The following PTPRT variants were observed in gnomAD, a reference collection of about 807,000 sequenced individuals.
The protein encoded by PTPRT is protein tyrosine phosphatase receptor type T, also known as receptor-type tyrosine-protein phosphatase T.
Under a neutral mutation model 176.8 loss-of-function variants are expected in PTPRT, and 56 were observed. That is an observed-to-expected ratio of 0.32 (90% CI 0.26 to 0.40). The LOEUF (loss-of-function observed/expected upper bound fraction) is 0.40. PTPRT is among the 10% of genes least tolerant of loss of function. The pLI is 1.00. For missense variants in PTPRT, 1,540 were observed against 1,908.2 expected (o/e 0.81, Z 3.60); for synonymous variants, 783 against 739.0 (o/e 1.06, Z -0.96).
At chr20:42,588,217 G>A (rs1447798973) in intron 7 of PTPRT, among the ~76,000 whole-genome samples, 2 of 152,182 alleles carry the variant, frequency 1.3e-5, no homozygotes, top group Non-Finnish European at 1.5e-5. Context: ...GCTAAGGTGG[G>A]TGGATCACTT....
chr20:42,243,658 A>G (rs1265784385), intron 14 of PTPRT, among the ~76,000 whole-genome samples: 4 of 152,278 alleles, frequency 2.6e-5, no homozygotes, highest in Non-Finnish European at 5.9e-5. Flanking sequence ...AATCTGAGTC[A>G]CATGTTTCTT....
chr20:42,645,528 C>G (rs1434473532), intron 7 of PTPRT, among the ~76,000 whole-genome samples: 1 of 152,004 alleles, frequency 6.6e-6, no homozygotes, highest in Non-Finnish European at 1.5e-5. Context: ...TGACTTACAC[C>G]CAAATCAGGA....
chr20:43,085,985 A>G (rs2011593206), intron 1 of PTPRT, among the ~76,000 whole-genome samples: 1 of 152,088 alleles, frequency 6.6e-6, no homozygotes, highest in Non-Finnish European at 1.5e-5. Context: ...GAGGAAAGAC[A>G]TTTCAAGGAA....
At chr20:42,850,516 C>T (rs1461385124) in intron 2 of PTPRT, among the ~76,000 whole-genome samples, 2 of 152,198 alleles carry the variant, frequency 1.3e-5, no homozygotes, top group Non-Finnish European at 2.9e-5. Context: ...TGTTAGGAGA[C>T]TGGGCCATTA....
chr20:42,033,698 T>C, the PTPRT span, among the ~76,000 whole-genome samples: 11 of 152,130 alleles, frequency 7.2e-5, no homozygotes, highest in Non-Finnish European at 1.6e-4. Flanking sequence ...TCTGAGTTCA[T>C]TTTTTTCAGC....
chr20:42,508,127 T>TGTGTGTGTGTG (rs1555871976), intron 7 of PTPRT, among the ~76,000 whole-genome samples: 2,961 of 146,650 alleles, frequency 0.02, 122 homozygotes, highest in African/African-American at 0.072. Context: ...ATTACCCTTT[T>TGTGTGTGTGTG]TGTGTGTGTG....
intron 9 of PTPRT, among the ~76,000 whole-genome samples, chr20:42,423,284 T>C (rs900319628): frequency 6.6e-6 from 1 of 151,940 alleles, no homozygotes; most frequent in African/African-American, 2.4e-5. Context: ...TTCCACCATG[T>C]GGCAAACTTC....
At chr20:42,681,838 G>A (rs1013152998) in intron 6 of PTPRT, among the ~76,000 whole-genome samples, 1 of 152,146 alleles carries the variant, frequency 6.6e-6, no homozygotes, top group African/African-American at 2.4e-5. Context: ...TATACACAAT[G>A]GAACGCTGCT....
At chr20:43,083,320 G>GTT (rs1299320498) in intron 1 of PTPRT, among the ~76,000 whole-genome samples, 1 of 37,386 alleles carries the variant, frequency 2.7e-5, no homozygotes, top group African/African-American at 6.6e-5. Context: ...CACTTCAAAT[G>GTT]TATATATATA....
At chr20:43,080,304 C>T (rs571662933) in intron 1 of PTPRT, among the ~76,000 whole-genome samples, 12 of 152,220 alleles carry the variant, frequency 7.9e-5, no homozygotes, top group South Asian at 2.1e-4. Flanking sequence ...CCTGCAGTGA[C>T]GACTACAGAG....
At chr20:42,917,058 C>A (rs547486856) in intron 1 of PTPRT, among the ~76,000 whole-genome samples, 1 of 152,218 alleles carries the variant, frequency 6.6e-6, no homozygotes, top group East Asian at 1.9e-4. Flanking sequence ...CTGAATGGTA[C>A]TGCCTAGGTT....
At chr20:42,838,833 C>T (rs1373326077) in intron 2 of PTPRT, among the ~76,000 whole-genome samples, 1 of 152,170 alleles carries the variant, frequency 6.6e-6, no homozygotes, top group African/African-American at 2.4e-5. Context: ...GCTGCCCGCC[C>T]AGCCGTGTCC....
chr20:42,148,718 G>A (rs1395725591), intron 17 of PTPRT, among the ~76,000 whole-genome samples: 6 of 152,208 alleles, frequency 3.9e-5, no homozygotes, highest in Admixed American at 3.3e-4. Flanking sequence ...AGGCCGCTCT[G>A]AGGCCACGAT....
At chr20:42,987,627 G>A (rs374867347) in intron 1 of PTPRT, among the ~76,000 whole-genome samples, 8 of 141,928 alleles carry the variant, frequency 5.6e-5, no homozygotes, top group South Asian at 4.9e-4. Flanking sequence ...CACTCACCCC[G>A]CCCACACTCC....
At chr20:42,486,696 C>A (rs2071470031) in intron 7 of PTPRT, among the ~76,000 whole-genome samples, 1 of 152,092 alleles carries the variant, frequency 6.6e-6, no homozygotes, top group South Asian at 2.1e-4. Context: ...TGGTGTGGAT[C>A]AGCCAGGCAT....
chr20:42,355,025 C>G lies in PTPRT; in HGVS notation c.1561-2740G>C, dbSNP rs1298778943. Among the ~76,000 whole-genome samples, 3 of 152,124 alleles carry G rather than the reference C, an allele frequency of 2.0e-5. No individual in the cohort carries two copies. The East Asian group carries it at 5.8e-4, about 29-fold the overall frequency. On this transcript the variant is annotated intron_variant, in intron 9 of 30. Transcript: ENST00000373187. ...GGTGGGCCTGTCTACAGCATTCCCT[C>G]TGGTCACCCCTACCCACCCCACTCC...
intron 7 of PTPRT, among the ~76,000 whole-genome samples, chr20:42,539,244 G>T (rs773640066): frequency 6.6e-6 from 1 of 152,058 alleles, no homozygotes; most frequent in Non-Finnish European, 1.5e-5. Context: ...AGGCTTGAGG[G>T]TATAGACTTA....
chr20:42,234,547 C>T (rs1426087680), intron 15 of PTPRT, among the ~76,000 whole-genome samples: 1 of 152,200 alleles, frequency 6.6e-6, no homozygotes, highest in Admixed American at 6.5e-5. Context: ...TGATACCTAT[C>T]CCCTGCCACA....
intron 7 of PTPRT, among the ~76,000 whole-genome samples, chr20:42,567,105 C>T (rs2073052308): frequency 6.6e-6 from 1 of 151,986 alleles, no homozygotes; most frequent in South Asian, 2.1e-4. Context: ...AACCCCATCT[C>T]CACTAAAAAT....
Sources: allele counts gnomAD v4.1 joint callset (sites outside exome capture counted in the v4.1 genomes callset), GRCh38; gene constraint gnomAD v4.1.1; transcripts MANE v1.5; gene names NCBI Gene and HGNC (gene_info 2026-07-23, HGNC 2026-07-21).